BCL2: variants seen among roughly 807,000 people sequenced by gnomAD.
BCL2 encodes BCL2 apoptosis regulator.
Under a neutral mutation model 14.2 loss-of-function variants are expected in BCL2, and 1 was observed. The observed-to-expected ratio is 0.07, with a 90% CI of 0.02 to 0.33. The LOEUF is 0.33. Among genes scored for constraint, BCL2 ranks in the 10% least tolerant of loss-of-function variants. BCL2 has a pLI of 0.99. For missense variants in BCL2, 247 were observed against 305.9 expected (o/e 0.81, Z 1.44); for synonymous variants, 151 against 137.2 (o/e 1.10, Z -0.70).
At chr18:63,277,728 G>T (rs1027966862) in intron 2 of BCL2, among the ~76,000 whole-genome samples, 11 of 152,172 alleles carry the variant, frequency 7.2e-5, no homozygotes, top group Admixed American at 5.9e-4. Context: ...TTGCAAAATG[G>T]CTTTCTCTTC....
intron 2 of BCL2, among the ~76,000 whole-genome samples, chr18:63,288,267 C>T (rs1258050052): frequency 6.6e-6 from 1 of 152,184 alleles, no homozygotes; most frequent in Non-Finnish European, 1.5e-5. Flanking sequence ...GACTTTCCTT[C>T]AGCATCACAA....
At chr18:63,288,526 C>T (rs1442207979) in intron 2 of BCL2, among the ~76,000 whole-genome samples, 2 of 152,182 alleles carry the variant, frequency 1.3e-5, no homozygotes, top group African/African-American at 2.4e-5. Context: ...CATTGACTTG[C>T]TATTAGTCAG....
intron 2 of BCL2, among the ~76,000 whole-genome samples, chr18:63,217,571 T>C (rs768757830): frequency 2.6e-4 from 39 of 152,328 alleles, no homozygotes; most frequent in Non-Finnish European, 5.3e-4. Flanking sequence ...GCATCAAATC[T>C]TGTCTTGACA....
At position 63,166,619 on chromosome 18, in the gene BCL2, T is replaced by C. The variant is rs184088335; in HGVS notation, c.586-37860A>G. On this transcript the variant is annotated intron_variant, in intron 2 of 2. Coordinates refer to ENST00000333681, the MANE Select transcript of BCL2 (RefSeq NM_000633.3). ...GACAAACAGTATAATAATGAACTGG[T>C]GTCCCTTAGAACAGTGTTAAACAGG... Among the ~76,000 whole-genome samples the C allele has an allele frequency of 2.0e-5, 3 of 152,334 alleles. No individual in the cohort carries two copies. The East Asian group carries it at 5.8e-4, about 29-fold the overall frequency.
At chr18:63,203,904 T>C (rs1486462462) in intron 2 of BCL2, among the ~76,000 whole-genome samples, 1 of 152,268 alleles carries the variant, frequency 6.6e-6, no homozygotes, top group East Asian at 1.9e-4. Context: ...CTAGCTTTCA[T>C]GTTTTTTGTT....
At chr18:63,266,633 T>TCACACACACACACACACACA (rs1238518850) in intron 2 of BCL2, among the ~76,000 whole-genome samples, 193 of 145,454 alleles carry the variant, frequency 1.3e-3, no homozygotes, top group African/African-American at 5.0e-3. Context: ...TCTCTCTCTC[T>TCACACACACACACACACACA]CTCTCACACA....
In BCL2 at chr18:63,272,786, T is replaced by C. The variant is rs1385949578; in HGVS notation, c.585+45296A>G. Among the ~76,000 whole-genome samples the C allele has an allele frequency of 5.3e-5, 8 of 152,340 alleles. No homozygotes were observed. The East Asian group carries it at 1.3e-3, about 26-fold the overall frequency. On this transcript the variant is annotated intron_variant, in intron 2 of 2. Coordinates refer to ENST00000333681, the MANE Select transcript of BCL2 (RefSeq NM_000633.3). The stretch of plus-strand genomic sequence containing the variant: ...TATTTTATATAAAACAGGCAGTTTC[T>C]ACTAAATTACTTGAGGCATTAGGAT...
intron 2 of BCL2, among the ~76,000 whole-genome samples, chr18:63,215,206 A>G (rs1910167098): frequency 6.6e-6 from 1 of 152,246 alleles, no homozygotes; most frequent in African/African-American, 2.4e-5. Flanking sequence ...GTCCCTTGGC[A>G]AGATACAGAA....
intron 2 of BCL2, among the ~76,000 whole-genome samples, chr18:63,141,405 C>A (rs1914357697): frequency 6.6e-6 from 1 of 152,160 alleles, no homozygotes; most frequent in African/African-American, 2.4e-5. Context: ...TAGGAGGAGG[C>A]CTTTCTTGGC....
intron 2 of BCL2, among the ~76,000 whole-genome samples, chr18:63,259,965 T>G (rs930214699): frequency 6.6e-6 from 1 of 152,256 alleles, no homozygotes. Context: ...TCTCCACAGC[T>G]GGCCTTTTCT....
chr18:63,317,955 G>T, intron 2 of BCL2, 127 bp downstream of exon 2: 1 of 1,478,146 alleles, frequency 6.8e-7, no homozygotes, highest in South Asian at 1.4e-5. Flanking sequence ...ACGCCGGGAA[G>T]CAACAACTCT....
intron 2 of BCL2, among the ~76,000 whole-genome samples, chr18:63,243,293 A>G (rs912687863): frequency 3.3e-5 from 5 of 152,212 alleles, no homozygotes; most frequent in Admixed American, 2.0e-4. Flanking sequence ...GTTCTTACTT[A>G]TTAGTGGGAG....
At chr18:63,303,838 A>G (rs1369145350) in intron 2 of BCL2, among the ~76,000 whole-genome samples, 1 of 152,206 alleles carries the variant, frequency 6.6e-6, no homozygotes, top group Non-Finnish European at 1.5e-5. Context: ...AAATGGGGAA[A>G]TGAGAAGGAT....
chr18:63,302,970 T>C (rs1163963827), intron 2 of BCL2: 3 of 732,856 alleles, frequency 4.1e-6, no homozygotes, highest in Admixed American at 6.3e-5. Flanking sequence ...GGTTTGTTTT[T>C]AAGTAGAATA....
At chr18:63,298,767 T>C (rs562493450) in intron 2 of BCL2, among the ~76,000 whole-genome samples, 1 of 152,332 alleles carries the variant, frequency 6.6e-6, no homozygotes, top group African/African-American at 2.4e-5. Context: ...ATCATTGCCA[T>C]TGTTATTTCT....
At chr18:63,274,030 G>A (rs1912078548) in intron 2 of BCL2, among the ~76,000 whole-genome samples, 1 of 152,078 alleles carries the variant, frequency 6.6e-6, no homozygotes, top group African/African-American at 2.4e-5. Flanking sequence ...GGGACCCAGG[G>A]AGCCATTTTT....
intron 2 of BCL2, among the ~76,000 whole-genome samples, chr18:63,185,653 C>A (rs2144646576): frequency 6.6e-6 from 1 of 152,280 alleles, no homozygotes; most frequent in South Asian, 2.1e-4. Context: ...AGGTAGTAAC[C>A]CTCACTCTGT....
chr18:63,292,548 G>C (rs952008421), intron 2 of BCL2, among the ~76,000 whole-genome samples: 1 of 152,200 alleles, frequency 6.6e-6, no homozygotes. Flanking sequence ...GAAAGGGGGG[G>C]CTTGCGCACA....
At chr18:63,167,484 T>C (rs1396471469) in intron 2 of BCL2, among the ~76,000 whole-genome samples, 6 of 152,012 alleles carry the variant, frequency 3.9e-5, no homozygotes, top group Admixed American at 1.3e-4. Flanking sequence ...CATTTAAAAA[T>C]AAAATAGGAC....
Sources: allele counts gnomAD v4.1 joint callset (sites outside exome capture counted in the v4.1 genomes callset), GRCh38; gene constraint gnomAD v4.1.1; transcripts MANE v1.5; gene names NCBI Gene and HGNC (gene_info 2026-07-23, HGNC 2026-07-21).